Variants in CDC14A observed in about 807,000 individuals in gnomAD.
The protein encoded by CDC14A is dual specificity protein phosphatase CDC14A.
CDC14A carries 53 observed loss-of-function variants against 74.4 expected under a neutral mutation model. That is an observed-to-expected ratio of 0.71 (90% CI 0.57 to 0.89). CDC14A has a LOEUF of 0.89. CDC14A is among the 40% of genes least tolerant of loss of function. The pLI, the probability that CDC14A is intolerant of heterozygous loss-of-function variation, is 0.00. For synonymous variants in CDC14A, 247 were observed against 258.4 expected, an observed-to-expected ratio of 0.96 and a Z score of 0.43; for missense variants, 646 against 713.7, an observed-to-expected ratio of 0.91 and a Z score of 1.08.
intron 4 of CDC14A, among the ~76,000 whole-genome samples, chr1:100,416,357 G>C (rs1293937161): frequency 6.6e-6 from 1 of 152,154 alleles, no homozygotes; most frequent in Non-Finnish European, 1.5e-5. Context: ...CATGTACTTT[G>C]TTGCAGAAAG....
intron 4 of CDC14A, among the ~76,000 whole-genome samples, chr1:100,400,064 A>C (rs1382577995): frequency 1.3e-5 from 2 of 152,220 alleles, no homozygotes; most frequent in African/African-American, 4.8e-5. Context: ...AACTGCTGAT[A>C]ATGGACCTAT....
chr1:100,464,491 T>A (rs773308991), intron 9 of CDC14A, among the ~76,000 whole-genome samples: 1 of 152,224 alleles, frequency 6.6e-6, no homozygotes, highest in Non-Finnish European at 1.5e-5. Flanking sequence ...AGCCCACATG[T>A]CACGTATTTT....
intron 5 of CDC14A, among the ~76,000 whole-genome samples, chr1:100,433,106 C>A (rs1251915264): frequency 6.6e-6 from 1 of 151,760 alleles, no homozygotes; most frequent in Non-Finnish European, 1.5e-5. Context: ...TCTCAAACTA[C>A]TGGGCTCAAG....
At chr1:100,376,830 A>G (rs914128795) in intron 2 of CDC14A, among the ~76,000 whole-genome samples, 1 of 152,176 alleles carries the variant, frequency 6.6e-6, no homozygotes, top group African/African-American at 2.4e-5. Context: ...ATTGTGAGCT[A>G]TGTTTGAGAG....
In CDC14A at chr1:100,519,117, T is replaced by G. The variant is rs187483712; in HGVS notation, c.*837T>G. The G allele has an allele frequency of 5.2e-4, 78 of 151,156 alleles. No individual in the cohort carries two copies. Among genetic ancestry groups the G allele is most frequent in the African/African-American group, 1.8e-3 (76 of 41,212 alleles). 9.4% of individuals were successfully genotyped at this position (151,156 alleles called of 1,614,324 possible). A position where few individuals can be genotyped will look rare whatever the true frequency, so the allele number is the denominator to read the frequency against. ...ATGAAATGACTCAATATTCCAAATG[T>G]TTTTTTTTCCTTCCTCCTTTCAAAA... On this transcript the variant is annotated 3_prime_UTR_variant, in exon 16 of 16. Coordinates refer to ENST00000336454, the MANE Select transcript of CDC14A (RefSeq NM_003672.4).
In CDC14A at chr1:100,353,011, G is replaced by C; in HGVS notation, c.49+8G>C. 6.2e-7 allele frequency: 1 copy of C among 1,613,980 alleles called. No homozygotes were observed. Among genetic ancestry groups the C allele is most frequent in the Non-Finnish European group, 8.5e-7 (1 of 1,179,900 alleles). Reference sequence around the variant, plus strand: ...CTTGTGAGTTCATGAAAGGTGAGGAGCAGCCGCCCCGCATCTTCCAACGCT... The same window carrying C: ...CTTGTGAGTTCATGAAAGGTGAGGACCAGCCGCCCCGCATCTTCCAACGCT... On this transcript the variant is annotated splice_region_variant and intron_variant, in intron 1 of 15. Transcript: ENST00000336454.
chr1:100,377,259 C>T (rs1655400062), intron 2 of CDC14A, among the ~76,000 whole-genome samples: 2 of 152,026 alleles, frequency 1.3e-5, no homozygotes, highest in Non-Finnish European at 2.9e-5. Context: ...AGGCTGGTCT[C>T]GAACACCTGA....
intron 11 of CDC14A, among the ~76,000 whole-genome samples, chr1:100,491,548 C>CTCTCTATA (rs1223420176): frequency 1.1e-3 from 42 of 38,752 alleles, no homozygotes; most frequent in East Asian, 4.3e-3. Context: ...CTCTCTCTCT[C>CTCTCTATA]TATATATATA....
At chr1:100,484,574 G>A (rs1363509967) in intron 11 of CDC14A, 123 bp downstream of exon 11, 7 of 1,323,462 alleles carry the variant, frequency 5.3e-6, no homozygotes, top group Non-Finnish European at 6.8e-6. Flanking sequence ...GTTTTTAGAA[G>A]TAGAGCCATC....
chr1:100,494,779 A>G, intron 11 of CDC14A, 39 bp from the exon 12 acceptor site: 1 of 1,225,768 alleles, frequency 8.2e-7, no homozygotes, highest in Non-Finnish European at 1.2e-6. Context: ...ATATAAAGCC[A>G]AATTTTGACC....
At chr1:100,499,397 TG>T in intron 15 of CDC14A, 135 bp downstream of exon 15, 1 of 1,591,946 alleles carries the variant, frequency 6.3e-7, no homozygotes, top group South Asian at 1.2e-5. Flanking sequence ...CTTCCCTCTG[TG>T]CTGTGAAACT....
At chr1:100,464,559 A>G (rs543757518) in intron 9 of CDC14A, among the ~76,000 whole-genome samples, 1 of 152,362 alleles carries the variant, frequency 6.6e-6, no homozygotes, top group South Asian at 2.1e-4. Context: ...TTAGCAGGAG[A>G]TAATCCTATC....
intron 10 of CDC14A, among the ~76,000 whole-genome samples, chr1:100,471,861 C>T (rs1158789738): frequency 6.6e-6 from 1 of 151,988 alleles, no homozygotes; most frequent in African/African-American, 2.4e-5. Context: ...GTTGTTGATT[C>T]AAATGTGACA....
rs1665113590 is a variant in CDC14A at position 100,442,823 on chromosome 1, A to G, written c.457-111A>G. The G allele has an allele frequency of 6.7e-6, 5 of 741,210 alleles. No individual in the cohort carries two copies. In the Admixed American group the frequency reaches 1.2e-4, roughly 18 times the overall value. The allele number at this position is 741,210 out of a possible 1,614,324, so 45.9% of individuals were successfully genotyped here. A position where few individuals can be genotyped will look rare whatever the true frequency, so the allele number is the denominator to read the frequency against. ...ATATGCATTAAACATCAAAGGTTTC[A>G]AGCTGTCTCTTCAGATTAGTGAGGA... On this transcript the variant is annotated intron_variant, in intron 6 of 15. Transcript: ENST00000336454.
At chr1:100,430,303 G>C (rs1663502269) in intron 5 of CDC14A, among the ~76,000 whole-genome samples, 1 of 152,174 alleles carries the variant, frequency 6.6e-6, no homozygotes, top group African/African-American at 2.4e-5. Flanking sequence ...TGTGAGGCCA[G>C]ACAATCTTCT....
At chr1:100,445,858 ATCTGT>A (rs1665490989) in intron 7 of CDC14A, among the ~76,000 whole-genome samples, 1 of 152,206 alleles carries the variant, frequency 6.6e-6, no homozygotes, top group African/African-American at 2.4e-5. Flanking sequence ...AGAATGATTT[ATCTGT>A]TCTATTATAA....
chr1:100,355,213 T>C (rs995989222), intron 2 of CDC14A, among the ~76,000 whole-genome samples: 2 of 152,226 alleles, frequency 1.3e-5, no homozygotes, highest in Non-Finnish European at 2.9e-5. Context: ...TTGTTGGGAA[T>C]GTGCATTGTT....
chr1:100,420,120 G>GTT lies in CDC14A; in HGVS notation c.310-4078_310-4077dup, dbSNP rs61463263. Among the ~76,000 whole-genome samples, 45 of 48,198 alleles carry GTT rather than the reference G, an allele frequency of 9.3e-4. 1 individual carries two copies. Among genetic ancestry groups the GTT allele is most frequent in the African/African-American group, 1.2e-3 (14 of 12,026 alleles). The allele number at this position is 48,198 out of a possible 152,430, so 31.6% of individuals were successfully genotyped here. The stretch of plus-strand genomic sequence containing the variant: ...GTGTGTGTTATGCTTTGCTGAAAAG[G>GTT]TTTTTTTTTTTTTTTTTTTTTTTTT... On this transcript the variant is annotated intron_variant, in intron 4 of 15. Transcript: ENST00000336454.
chr1:100,382,514 A>G (rs1200892866), intron 3 of CDC14A, among the ~76,000 whole-genome samples: 2 of 151,444 alleles, frequency 1.3e-5, no homozygotes, highest in South Asian at 4.2e-4. Context: ...GTGGGATTAC[A>G]GGCATGAGCC....
Sources: gnomAD v4.1 joint callset for allele counts (sites outside exome capture counted in the v4.1 genomes callset) on GRCh38, gnomAD v4.1.1 for gene constraint, MANE v1.5 for transcripts, NCBI Gene and HGNC (gene_info 2026-07-23, HGNC 2026-07-21) for gene names.